Variants in ZFHX3 observed in about 807,000 individuals in gnomAD.
ZFHX3 encodes the protein zinc finger homeobox protein 3.
A neutral mutation model predicts 279.1 loss-of-function variants in ZFHX3; 42 were observed. The ratio of observed to expected loss-of-function variants is 0.15; its 90% CI spans 0.12 to 0.19. The LOEUF is 0.19. ZFHX3 is among the 10% of genes least tolerant of loss of function. ZFHX3 has a pLI of 1.00. For synonymous variants in ZFHX3, 2,293 were observed against 1,957.8 expected (o/e 1.17, Z -4.52); for missense variants, 4,981 against 4,754.0 (o/e 1.05, Z -1.40).
chr16:73,880,165 G>A (rs1469624521), intron 1 of ZFHX3, among the ~76,000 whole-genome samples: 1 of 152,120 alleles, frequency 6.6e-6, no homozygotes, highest in Non-Finnish European at 1.5e-5. Flanking sequence ...ACAAAAGGAA[G>A]AGGTTGGCTC....
intron 3 of ZFHX3, among the ~76,000 whole-genome samples, chr16:73,409,204 G>T (rs2017419997): frequency 6.6e-6 from 1 of 152,160 alleles, no homozygotes; most frequent in Non-Finnish European, 1.5e-5. Flanking sequence ...TAAGCCAGGA[G>T]AAAATGTCCT....
chr16:73,318,746 T>C (rs761092497), intron 3 of ZFHX3, among the ~76,000 whole-genome samples: 1 of 152,220 alleles, frequency 6.6e-6, no homozygotes, highest in Non-Finnish European at 1.5e-5. Context: ...ATTAGTAAAC[T>C]AACGGTATAA....
chr16:73,140,622 G>C (rs1049147720), intron 6 of ZFHX3, among the ~76,000 whole-genome samples: 1 of 152,208 alleles, frequency 6.6e-6, no homozygotes, highest in African/African-American at 2.4e-5. Flanking sequence ...TTGGGAGGCC[G>C]AGGTGGGTGG....
At chr16:73,362,805 C>G (rs1332954800) in intron 3 of ZFHX3, among the ~76,000 whole-genome samples, 2 of 152,192 alleles carry the variant, frequency 1.3e-5, no homozygotes, top group African/African-American at 4.8e-5. Context: ...GATAGGCTGT[C>G]TGAATTAGGA....
Position 73,366,589 on chromosome 16 carries a change from A to C in ZFHX3, c.-1290-48253T>G, listed in dbSNP as rs765567714. On this transcript the variant is annotated intron_variant, in intron 3 of 17. Transcript: ENST00000641206. The stretch of plus-strand genomic sequence containing the variant: ...TCTACAAAAATACCAAACCAAAACC[A>C]AAAAAAAAAAAAAAAAAGAGAGAAA... 7.3e-3 allele frequency among the ~76,000 whole-genome samples: 67 copies of C among 9,230 alleles called. 1 individual carries two copies. Among genetic ancestry groups the C allele is most frequent in the Admixed American group, 0.011 (24 of 2,088 alleles). 6.1% of individuals were successfully genotyped at this position (9,230 alleles called of 152,430 possible).
At chr16:73,857,583 C>T (rs1010559065) in intron 1 of ZFHX3, among the ~76,000 whole-genome samples, 4 of 152,146 alleles carry the variant, frequency 2.6e-5, no homozygotes, top group African/African-American at 9.7e-5. Flanking sequence ...ACTGAAGTCT[C>T]GTGAAACGTG....
intron 1 of ZFHX3, among the ~76,000 whole-genome samples, chr16:73,684,695 C>CTTTTTTTT (rs201167110): frequency 7.3e-6 from 1 of 137,496 alleles, no homozygotes; most frequent in African/African-American, 2.9e-5. Context: ...CACAAGGGTC[C>CTTTTTTTT]TTTTTTTTTT....
intron 1 of ZFHX3, among the ~76,000 whole-genome samples, chr16:73,693,738 A>G (rs2053170173): frequency 1.3e-5 from 2 of 152,198 alleles, no homozygotes; most frequent in African/African-American, 4.8e-5. Flanking sequence ...GATTTCAATT[A>G]CATTACACAA....
intron 3 of ZFHX3, among the ~76,000 whole-genome samples, chr16:72,924,676 G>A (rs936035790): frequency 2.0e-5 from 3 of 152,210 alleles, no homozygotes. Flanking sequence ...TGCCAAGCCT[G>A]AACTATTAAT....
intron 1 of ZFHX3, among the ~76,000 whole-genome samples, chr16:73,024,043 CA>C (rs1964408850): frequency 6.6e-6 from 1 of 152,132 alleles, no homozygotes; most frequent in Non-Finnish European, 1.5e-5. Flanking sequence ...ATGCACATGC[CA>C]GTGGCGCTAA....
intron 7 of ZFHX3, among the ~76,000 whole-genome samples, chr16:73,105,362 TATAC>T (rs1205450730): frequency 1.1e-4 from 7 of 65,812 alleles, no homozygotes; most frequent in African/African-American, 3.9e-4. Flanking sequence ...TACACATATA[TATAC>T]ACACATATAT....
At chr16:73,361,308 G>C (rs1339966173) in intron 3 of ZFHX3, among the ~76,000 whole-genome samples, 1 of 152,264 alleles carries the variant, frequency 6.6e-6, no homozygotes, top group Non-Finnish European at 1.5e-5. Flanking sequence ...GAAGAGGCTT[G>C]ATAGGTGCTT....
intron 2 of ZFHX3, among the ~76,000 whole-genome samples, chr16:73,484,204 G>T (rs1035324526): frequency 2.0e-5 from 3 of 152,186 alleles, no homozygotes; most frequent in Admixed American, 6.5e-5. Flanking sequence ...CAAAGAAAAC[G>T]CTCTTTCCAC....
At chr16:73,741,604 G>GACTCTCC (rs1210411007) in intron 1 of ZFHX3, among the ~76,000 whole-genome samples, 1 of 152,134 alleles carries the variant, frequency 6.6e-6, no homozygotes, top group Non-Finnish European at 1.5e-5. Context: ...AACAGCCTTG[G>GACTCTCC]ACTCTCCAGT....
intron 3 of ZFHX3, among the ~76,000 whole-genome samples, chr16:73,368,052 G>T (rs28624567): frequency 0.05 from 7,557 of 151,928 alleles, 541 homozygotes; most frequent in African/African-American, 0.16. Context: ...TTTATTTTCA[G>T]TAGAGTCAGG....
intron 8 of ZFHX3, among the ~76,000 whole-genome samples, chr16:73,083,908 CCCAGGGTGACACA>C (rs1476613546): frequency 6.6e-6 from 1 of 152,168 alleles, no homozygotes; most frequent in African/African-American, 2.4e-5. Context: ...ACCACACAGC[CCCAGGGTGACACA>C]CCTGTTCTAC....
intron 1 of ZFHX3, among the ~76,000 whole-genome samples, chr16:73,884,740 G>C (rs2030291650): frequency 6.6e-6 from 1 of 152,214 alleles, no homozygotes; most frequent in South Asian, 2.1e-4. Flanking sequence ...CAAAGAATAA[G>C]AATCTTTCTG....
At chr16:73,105,757 A>T (rs1166230863) in intron 7 of ZFHX3, among the ~76,000 whole-genome samples, 1 of 152,160 alleles carries the variant, frequency 6.6e-6, no homozygotes, top group Admixed American at 6.5e-5. Flanking sequence ...TGTCTCAAAA[A>T]ATAAAATTAA....
chr16:73,737,396 CAAATT>C (rs1004842317), intron 1 of ZFHX3, among the ~76,000 whole-genome samples: 4 of 152,110 alleles, frequency 2.6e-5, no homozygotes, highest in African/African-American at 9.7e-5. Context: ...CAAGGAAAAA[CAAATT>C]TAACCTGCTC....
Sources: gnomAD v4.1 joint callset for allele counts (sites outside exome capture counted in the v4.1 genomes callset) on GRCh38, gnomAD v4.1.1 for gene constraint, MANE v1.5 for transcripts, NCBI Gene and HGNC (gene_info 2026-07-23, HGNC 2026-07-21) for gene names.